The following KCNT1 variants were observed in gnomAD, a reference collection of about 807,000 sequenced individuals.
KCNT1 encodes potassium sodium-activated channel subfamily T member 1, also known as potassium channel subfamily T member 1.
Under a neutral mutation model 147.8 loss-of-function variants are expected in KCNT1, and 78 were observed. The ratio of observed to expected loss-of-function variants is 0.53; its 90% confidence interval spans 0.44 to 0.64. KCNT1 has a LOEUF of 0.64. Ranked by LOEUF, KCNT1 falls within the 30% of genes least tolerant of loss-of-function variation. The pLI is 0.00. For synonymous variants in KCNT1, 867 were observed against 748.8 expected, an observed-to-expected ratio of 1.16 and a Z score of -2.58; for missense variants, 1,419 against 1,750.3, an observed-to-expected ratio of 0.81 and a Z score of 3.38.
chr9:135,716,646 G>A (rs1027326831), intron 2 of KCNT1, among the ~76,000 whole-genome samples: 2 of 152,134 alleles, frequency 1.3e-5, no homozygotes, highest in African/African-American at 4.8e-5. Flanking sequence ...GCATTCTAGC[G>A]GTCTTGGCGT....
intron 19 of KCNT1, among the ~76,000 whole-genome samples, chr9:135,774,544 T>A: frequency 6.7e-6 from 1 of 150,284 alleles, no homozygotes; most frequent in Non-Finnish European, 1.5e-5. Context: ...GTCTGTGTAG[T>A]GTGTTGTGTG....
At chr9:135,708,261 C>G (rs1360721558) in intron 1 of KCNT1, among the ~76,000 whole-genome samples, 1 of 152,212 alleles carries the variant, frequency 6.6e-6, no homozygotes, top group Admixed American at 6.5e-5. Context: ...TATACATATG[C>G]CCATGTACAT....
At chr9:135,790,067 G>T (rs1449850031) in intron 29 of KCNT1, 1 of 151,998 alleles carries the variant, frequency 6.6e-6, no homozygotes, top group Non-Finnish European at 1.5e-5. Flanking sequence ...TACTTCAGAA[G>T]CGTGTGGTCC....
intron 20 of KCNT1, among the ~76,000 whole-genome samples, chr9:135,775,976 T>A (rs1257289192): frequency 2.0e-5 from 3 of 152,026 alleles, no homozygotes; most frequent in African/African-American, 7.3e-5. Context: ...CAGGGACCAG[T>A]GACCTGGTGG....
chr9:135,782,229 A>G (rs1250448712), intron 24 of KCNT1, among the ~76,000 whole-genome samples: 2 of 152,058 alleles, frequency 1.3e-5, no homozygotes, highest in Admixed American at 1.3e-4. Flanking sequence ...AAAAAATGAA[A>G]CTATTATTAA....
In KCNT1 at chr9:135,752,732, GGATGGATGGATGGAATA is replaced by G. The variant is rs1831254187; in HGVS notation, c.435-1194_435-1178del. On this transcript the variant is annotated intron_variant, in intron 4 of 30. Transcript: ENST00000371757. The surrounding 1 kb of genome is among the most constrained non-coding windows in gnomAD (Gnocchi z 5.1). The stretch of plus-strand genomic sequence containing the variant: ...ATAGGTGGATGCATGGTGGGTAGAT[GGATGGATGGATGGAATA>G]GATGGATGGAGGGATGAGTGGATGG... Among the ~76,000 whole-genome samples the G allele has an allele frequency of 6.6e-6, 1 of 151,160 alleles. No individual in the cohort carries two copies. Among genetic ancestry groups the G allele is most frequent in the East Asian group, 2.0e-4 (1 of 5,126 alleles).
chr9:135,755,531 C>G (rs971552102), intron 6 of KCNT1, among the ~76,000 whole-genome samples: 3 of 147,294 alleles, frequency 2.0e-5, no homozygotes, highest in African/African-American at 7.6e-5. Context: ...GAGTACAGAC[C>G]CAGGCTTAGT....
intron 25 of KCNT1, 80 bp downstream of exon 25, chr9:135,784,205 G>C: frequency 9.0e-7 from 1 of 1,117,116 alleles, no homozygotes; most frequent in Non-Finnish European, 1.3e-6. Flanking sequence ...CCTGGTCCCT[G>C]TTCTGAATGA....
chr9:135,722,924 G>A (rs1181276240), intron 2 of KCNT1, among the ~76,000 whole-genome samples: 1 of 152,244 alleles, frequency 6.6e-6, no homozygotes, highest in Non-Finnish European at 1.5e-5. Context: ...GGCTTGGAGG[G>A]AAAGAAGGGG....
chr9:135,717,538 A>G (rs896684511), intron 2 of KCNT1, among the ~76,000 whole-genome samples: 3 of 152,064 alleles, frequency 2.0e-5, no homozygotes, highest in African/African-American at 7.2e-5. Context: ...CTGGCTGGGC[A>G]CAGTACAGGA....
chr9:135,773,777 A>G (rs4842035), intron 19 of KCNT1, among the ~76,000 whole-genome samples: 148,503 of 152,360 alleles, frequency 0.97, 72,393 homozygotes, highest in East Asian at 1. Context: ...GAACCATTGC[A>G]TGTGTGTGTT....
chr9:135,766,345 C>T (rs888793198), intron 13 of KCNT1, among the ~76,000 whole-genome samples: 1 of 144,556 alleles, frequency 6.9e-6, no homozygotes, highest in Non-Finnish European at 1.5e-5. Flanking sequence ...CAGAGTGAAC[C>T]ATCTGGGATG....
intron 5 of KCNT1, among the ~76,000 whole-genome samples, chr9:135,754,645 G>A (rs1314701157): frequency 3.9e-5 from 6 of 152,220 alleles, no homozygotes; most frequent in Non-Finnish European, 8.8e-5. Context: ...ATGAGGAACT[G>A]AGACTCGGGG....
At chr9:135,731,912 C>T (rs1437729683) in intron 2 of KCNT1, among the ~76,000 whole-genome samples, 1 of 144,290 alleles carries the variant, frequency 6.9e-6, no homozygotes, top group African/African-American at 2.6e-5. Context: ...GTGCACAGTT[C>T]TTTCTTTGCT....
chr9:135,774,429 G>C (rs1460086056), intron 19 of KCNT1, among the ~76,000 whole-genome samples: 1 of 148,104 alleles, frequency 6.8e-6, no homozygotes. Flanking sequence ...TCTGTGTGTT[G>C]TGTGGTGTGT....
intron 2 of KCNT1, among the ~76,000 whole-genome samples, chr9:135,743,721 G>A (rs1327695759): frequency 3.9e-5 from 6 of 152,244 alleles, no homozygotes; most frequent in African/African-American, 1.4e-4. Flanking sequence ...GTGTGCCGCC[G>A]TGGCACGGTC....
At chr9:135,704,234 C>A (rs748199327) in intron 1 of KCNT1, among the ~76,000 whole-genome samples, 1 of 152,102 alleles carries the variant, frequency 6.6e-6, no homozygotes, top group African/African-American at 2.4e-5. Flanking sequence ...TGGTGCCAGG[C>A]CTTGAGCAGG....
intron 2 of KCNT1, among the ~76,000 whole-genome samples, chr9:135,732,015 GAGAGAGAGA>G (rs1836488111): frequency 8.3e-6 from 1 of 120,260 alleles, no homozygotes. Context: ...GAGAGAGAGA[GAGAGAGAGA>G]GAGAGAGAGA....
Position 135,794,329 on chromosome 9 carries a change from C to T in KCNT1, c.*2168C>T, listed in dbSNP as rs76674499. On this transcript the variant is annotated 3_prime_UTR_variant, in exon 31 of 31. Coordinates refer to ENST00000371757, the MANE Select transcript of KCNT1 (RefSeq NM_020822.3). ...CTCTCCAGGGGTGAGCGGAGCCCCC[C>T]AAAGAGGGCTGAAGGCTTGCTGCCC... 1 of 152,362 alleles carries T rather than the reference C, an allele frequency of 6.6e-6. No individual in the cohort carries two copies. The highest frequency in any genetic ancestry group is 6.5e-5 in the Admixed American group (1 of 15,282). The allele number at this position is 152,362 out of a possible 1,614,324, so 9.4% of individuals were successfully genotyped here. A position where few individuals can be genotyped will look rare whatever the true frequency, so the allele number is the denominator to read the frequency against.
Sources: allele counts gnomAD v4.1 joint callset (sites outside exome capture counted in the v4.1 genomes callset), GRCh38; gene constraint gnomAD v4.1.1; non-coding constraint Gnocchi (gnomAD v3.1); transcripts MANE v1.5; gene names NCBI Gene and HGNC (gene_info 2026-07-23, HGNC 2026-07-21).